The following ARSB variants were observed in gnomAD, a reference collection of about 807,000 sequenced individuals.
ARSB encodes arylsulfatase B, also known as N-acetylgalactosamine-4-sulfatase.
In ARSB, 41 loss-of-function variants were observed where a neutral mutation model predicts 50.9. The observed-to-expected ratio is 0.81, with a 90% CI of 0.63 to 1.04. ARSB has a LOEUF of 1.04. Ranked by LOEUF, ARSB falls within the 50% of genes least tolerant of loss-of-function variation. The pLI is 0.00. For synonymous variants in ARSB, 269 were observed against 284.8 expected, an observed-to-expected ratio of 0.94 and a Z score of 0.56; for missense variants, 672 against 693.3, an observed-to-expected ratio of 0.97 and a Z score of 0.35.
chr5:78,918,614 T>C (rs1207288695), intron 4 of ARSB, among the ~76,000 whole-genome samples: 3 of 152,254 alleles, frequency 2.0e-5, no homozygotes, highest in South Asian at 4.2e-4. Context: ...CCCAACATGG[T>C]ATTTCTGAAA....
At chr5:78,785,602 C>T (rs1749053641) in intron 6 of ARSB, among the ~76,000 whole-genome samples, 1 of 152,154 alleles carries the variant, frequency 6.6e-6, no homozygotes, top group African/African-American at 2.4e-5. Flanking sequence ...TTAGTACCTG[C>T]ATAATATATT....
chr5:78,857,959 G>A (rs141901127), intron 5 of ARSB, among the ~76,000 whole-genome samples: 88 of 152,268 alleles, frequency 5.8e-4, no homozygotes, highest in African/African-American at 1.9e-3. Context: ...TACTTTACAC[G>A]TATCATTTCA....
At chr5:78,892,531 C>T (rs115440903) in intron 4 of ARSB, among the ~76,000 whole-genome samples, 3,323 of 152,202 alleles carry the variant, frequency 0.022, 120 homozygotes, top group African/African-American at 0.074. Context: ...GCTGGGATTA[C>T]AGGCAGAAGC....
chr5:78,931,903 C>T (rs1423698140), intron 4 of ARSB, among the ~76,000 whole-genome samples: 3 of 151,972 alleles, frequency 2.0e-5, no homozygotes, highest in Non-Finnish European at 4.4e-5. Flanking sequence ...ATAAAGGGCT[C>T]TTCCCCCTTC....
At chr5:78,867,098 C>A (rs943559561) in intron 5 of ARSB, among the ~76,000 whole-genome samples, 5 of 152,158 alleles carry the variant, frequency 3.3e-5, no homozygotes, top group African/African-American at 9.7e-5. Context: ...CCGAATATTG[C>A]GCTTTTCAGA....
chr5:78,895,851 G>C (rs923548489), intron 4 of ARSB, among the ~76,000 whole-genome samples: 1 of 152,214 alleles, frequency 6.6e-6, no homozygotes, highest in Non-Finnish European at 1.5e-5. Context: ...AGAGCCAGGG[G>C]AAGAGAGAGG....
intron 4 of ARSB, among the ~76,000 whole-genome samples, chr5:78,935,547 G>A (rs1049711625): frequency 6.6e-6 from 1 of 152,166 alleles, no homozygotes; most frequent in Non-Finnish European, 1.5e-5. Context: ...TGAATAATAA[G>A]CATAGGTAGT....
At chr5:78,871,648 C>A (rs1230888383) in intron 5 of ARSB, among the ~76,000 whole-genome samples, 1 of 140,632 alleles carries the variant, frequency 7.1e-6, no homozygotes, top group East Asian at 2.0e-4. Context: ...TTCCTTACAC[C>A]TTATACAAAA....
At chr5:78,979,718 G>T (rs1193649440) in intron 1 of ARSB, among the ~76,000 whole-genome samples, 1 of 152,148 alleles carries the variant, frequency 6.6e-6, no homozygotes, top group East Asian at 1.9e-4. Context: ...GAATTTTCAT[G>T]GCCATGGGAC....
chr5:78,803,248 G>A (rs1220770371), intron 6 of ARSB, among the ~76,000 whole-genome samples: 5 of 152,130 alleles, frequency 3.3e-5, no homozygotes, highest in African/African-American at 4.8e-5. Flanking sequence ...CCAGCCTCCC[G>A]ACAGACAATT....
chr5:78,872,649 C>A (rs1747263671), intron 5 of ARSB, among the ~76,000 whole-genome samples: 1 of 140,008 alleles, frequency 7.1e-6, no homozygotes, highest in East Asian at 2.0e-4. Context: ...GGGAATATCA[C>A]ACCCTGGGGA....
intron 4 of ARSB, among the ~76,000 whole-genome samples, chr5:78,929,740 C>T (rs1258410915): frequency 6.7e-6 from 1 of 149,204 alleles, no homozygotes; most frequent in Non-Finnish European, 1.5e-5. Context: ...TTGCAGTCAG[C>T]CGAGATCGCG....
At chr5:78,964,668 T>C in intron 2 of ARSB, 62 bp from the exon 3 acceptor site, 2 of 1,509,034 alleles carry the variant, frequency 1.3e-6, no homozygotes, top group Non-Finnish European at 1.8e-6. Flanking sequence ...AAACTAATGT[T>C]TCAGCATTTA....
intron 5 of ARSB, among the ~76,000 whole-genome samples, chr5:78,864,259 G>A (rs1439831940): frequency 1.3e-5 from 2 of 152,140 alleles, no homozygotes; most frequent in African/African-American, 4.8e-5. Flanking sequence ...GGATTAATTG[G>A]ACTACAGTTA....
chr5:78,909,776 C>T (rs917986244), intron 4 of ARSB, among the ~76,000 whole-genome samples: 1 of 152,124 alleles, frequency 6.6e-6, no homozygotes, highest in African/African-American at 2.4e-5. Flanking sequence ...CCCCCCAGCC[C>T]GAGACCCGTG....
intron 4 of ARSB, among the ~76,000 whole-genome samples, chr5:78,953,356 G>A (rs1399831330): frequency 6.6e-6 from 1 of 152,208 alleles, no homozygotes; most frequent in Non-Finnish European, 1.5e-5. Flanking sequence ...TGCATGACCT[G>A]GGGCAAGTTA....
At chr5:78,869,140 C>T (rs1376405302) in intron 5 of ARSB, among the ~76,000 whole-genome samples, 1 of 143,550 alleles carries the variant, frequency 7.0e-6, no homozygotes, top group Non-Finnish European at 1.5e-5. Flanking sequence ...GCACCCAATA[C>T]AGGAGCACCC....
intron 1 of ARSB, among the ~76,000 whole-genome samples, chr5:78,973,343 T>C (rs1372597794): frequency 6.6e-6 from 1 of 152,154 alleles, no homozygotes; most frequent in Non-Finnish European, 1.5e-5. Context: ...AAATCTTCTC[T>C]CAAAAAACAA....
At chr5:78,980,400 T>C (rs1361514780) in intron 1 of ARSB, among the ~76,000 whole-genome samples, 2 of 152,222 alleles carry the variant, frequency 1.3e-5, no homozygotes, top group Non-Finnish European at 2.9e-5. Flanking sequence ...ATGACATATG[T>C]GCAAAGTATT....
Sources: gnomAD v4.1 joint callset for allele counts (sites outside exome capture counted in the v4.1 genomes callset) on GRCh38, gnomAD v4.1.1 for gene constraint, MANE v1.5 for transcripts, NCBI Gene and HGNC (gene_info 2026-07-23, HGNC 2026-07-21) for gene names.